Variants in NCALD observed in about 807,000 individuals in gnomAD.
The protein encoded by NCALD is neurocalcin-delta.
Under a neutral mutation model 18.6 loss-of-function variants are expected in NCALD, and 10 were observed. The observed-to-expected ratio is 0.54, with a 90% confidence interval of 0.33 to 0.91. NCALD has a LOEUF of 0.91. Ranked by LOEUF, NCALD falls within the 40% of genes least tolerant of loss-of-function variation. The probability of loss-of-function intolerance (pLI) is 0.03; values close to 1 mark genes in which losing one functional copy is unlikely to be tolerated. For synonymous variants in NCALD, 88 were observed against 87.4 expected (o/e 1.01, Z -0.04); for missense variants, 184 against 247.6 (o/e 0.74, Z 1.72).
chr8:102,047,271 CAAT>C (rs749962271), intron 1 of NCALD, among the ~76,000 whole-genome samples: 1 of 152,222 alleles, frequency 6.6e-6, no homozygotes, highest in Non-Finnish European at 1.5e-5. Flanking sequence ...CATAATAGCA[CAAT>C]GAGTATTTTT....
At chr8:101,734,288 T>G (rs989183665) in intron 1 of NCALD, among the ~76,000 whole-genome samples, 3 of 152,198 alleles carry the variant, frequency 2.0e-5, no homozygotes, top group Non-Finnish European at 4.4e-5. Context: ...CCTGCAGATC[T>G]CACTGAACAT....
At chr8:102,097,219 T>C (rs998774086) in intron 1 of NCALD, among the ~76,000 whole-genome samples, 2 of 152,182 alleles carry the variant, frequency 1.3e-5, no homozygotes, top group African/African-American at 4.8e-5. Context: ...AGACTAACAG[T>C]TAGGAACCAC....
chr8:102,005,174 A>G, intron 2 of NCALD, among the ~76,000 whole-genome samples: 1 of 152,236 alleles, frequency 6.6e-6, no homozygotes, highest in Non-Finnish European at 1.5e-5. Context: ...GAACTCAAAC[A>G]AATTTACAAG....
chr8:101,774,343 A>T (rs1811705434), intron 1 of NCALD, among the ~76,000 whole-genome samples: 1 of 152,220 alleles, frequency 6.6e-6, no homozygotes, highest in Admixed American at 6.5e-5. Context: ...ACTATGAAAG[A>T]AATAACTGAA....
chr8:101,782,829 T>A (rs1812071699), intron 1 of NCALD, among the ~76,000 whole-genome samples: 1 of 152,212 alleles, frequency 6.6e-6, no homozygotes. Flanking sequence ...GAGGAGGCAC[T>A]GTATGTCCTG....
At chr8:102,077,462 G>A (rs1025722155) in intron 1 of NCALD, among the ~76,000 whole-genome samples, 5 of 152,134 alleles carry the variant, frequency 3.3e-5, no homozygotes, top group African/African-American at 1.2e-4. Context: ...GAAAGTAAAA[G>A]TTAAGAGGGA....
chr8:101,974,878 A>G (rs1207784449), intron 2 of NCALD, among the ~76,000 whole-genome samples: 1 of 152,218 alleles, frequency 6.6e-6, no homozygotes, highest in Non-Finnish European at 1.5e-5. Flanking sequence ...CAGTACTAAT[A>G]TTTTGAAATG....
chr8:101,894,527 G>T (rs1346492289), intron 3 of NCALD, among the ~76,000 whole-genome samples: 1 of 143,984 alleles, frequency 6.9e-6, no homozygotes, highest in Admixed American at 6.9e-5. Flanking sequence ...CAGAACTGAA[G>T]GAAATAGAGA....
chr8:101,821,410 C>T (rs2131191848), intron 4 of NCALD, among the ~76,000 whole-genome samples: 1 of 152,266 alleles, frequency 6.6e-6, no homozygotes, highest in South Asian at 2.1e-4. Flanking sequence ...CTCCATTTTA[C>T]AGAAGAGATT....
intron 2 of NCALD, among the ~76,000 whole-genome samples, chr8:102,017,806 T>C (rs1822141407): frequency 6.6e-6 from 1 of 152,206 alleles, no homozygotes; most frequent in Non-Finnish European, 1.5e-5. Context: ...TTAGGACTTT[T>C]AAAGAAACAA....
chr8:101,805,679 A>T (rs1224726516), intron 4 of NCALD, among the ~76,000 whole-genome samples: 1 of 152,188 alleles, frequency 6.6e-6, no homozygotes, highest in East Asian at 1.9e-4. Flanking sequence ...TTTGTAATAG[A>T]GTGTGTAAAA....
intron 1 of NCALD, among the ~76,000 whole-genome samples, chr8:101,778,060 C>G (rs1421887119): frequency 6.6e-6 from 1 of 152,168 alleles, no homozygotes; most frequent in Non-Finnish European, 1.5e-5. Context: ...TTCTACTCCC[C>G]TTTAAGATTT....
chr8:102,116,353 G>T (rs114761527), intron 1 of NCALD, among the ~76,000 whole-genome samples: 2,282 of 152,280 alleles, frequency 0.015, 56 homozygotes, highest in African/African-American at 0.052. Context: ...TAGGGGCACC[G>T]TAACAGAGTC....
intron 2 of NCALD, among the ~76,000 whole-genome samples, chr8:101,973,828 C>A (rs1168283472): frequency 6.6e-6 from 1 of 152,188 alleles, no homozygotes; most frequent in Non-Finnish European, 1.5e-5. Flanking sequence ...CAGGTAACAT[C>A]TGAGTTACAA....
intron 2 of NCALD, among the ~76,000 whole-genome samples, chr8:101,942,773 C>T (rs887501007): frequency 1.3e-5 from 2 of 152,192 alleles, no homozygotes; most frequent in African/African-American, 4.8e-5. Flanking sequence ...GGTTCATTAG[C>T]TTTCCCAAGG....
intron 1 of NCALD, among the ~76,000 whole-genome samples, chr8:102,026,078 G>T (rs982112773): frequency 1.4e-4 from 21 of 152,056 alleles, no homozygotes; most frequent in Non-Finnish European, 2.2e-4. Context: ...TGATTCAGTT[G>T]CCTCCCACCA....
intron 2 of NCALD, among the ~76,000 whole-genome samples, chr8:101,983,711 C>T (rs1005083517): frequency 2.0e-5 from 3 of 152,320 alleles, no homozygotes; most frequent in East Asian, 3.9e-4. Flanking sequence ...AGCAATGGGC[C>T]TTCTGGCCTT....
intron 4 of NCALD, among the ~76,000 whole-genome samples, chr8:101,840,690 A>G (rs1430694799): frequency 6.6e-6 from 1 of 152,212 alleles, no homozygotes; most frequent in Non-Finnish European, 1.5e-5. Flanking sequence ...AATTTTTTAA[A>G]ATTTAGCCAC....
chr8:102,016,504 TG>T (rs963799480), intron 2 of NCALD, among the ~76,000 whole-genome samples: 3 of 152,108 alleles, frequency 2.0e-5, no homozygotes, highest in African/African-American at 7.2e-5. Flanking sequence ...TGCTGAAAAC[TG>T]AGGATGGAGC....
Sources: allele counts gnomAD v4.1 joint callset (sites outside exome capture counted in the v4.1 genomes callset), GRCh38; gene constraint gnomAD v4.1.1; transcripts MANE v1.5; gene names NCBI Gene and HGNC (gene_info 2026-07-23, HGNC 2026-07-21).